KIF16B: variants seen among roughly 807,000 people sequenced by gnomAD.
KIF16B encodes kinesin family member 16B, also known as kinesin-like protein KIF16B.
A neutral mutation model predicts 156.3 loss-of-function variants in KIF16B; 98 were observed. The ratio of observed to expected loss-of-function variants is 0.63; its 90% confidence interval spans 0.53 to 0.74. The LOEUF (loss-of-function observed/expected upper bound fraction) is 0.74. Ranked by LOEUF, KIF16B falls within the 30% of genes least tolerant of loss-of-function variation. KIF16B has a pLI of 0.00. For missense variants in KIF16B, 1,421 were observed against 1,606.5 expected, an observed-to-expected ratio of 0.88 and a Z score of 1.97; for synonymous variants, 564 against 583.7, an observed-to-expected ratio of 0.97 and a Z score of 0.49.
intron 24 of KIF16B, among the ~76,000 whole-genome samples, chr20:16,323,544 G>C (rs1322923918): frequency 2.0e-5 from 3 of 151,988 alleles, no homozygotes; most frequent in African/African-American, 7.2e-5. Context: ...TTCCAAGTTT[G>C]ATTTGTTAAA....
intron 17 of KIF16B, among the ~76,000 whole-genome samples, chr20:16,400,620 C>T (rs1287778769): frequency 6.6e-6 from 1 of 152,158 alleles, no homozygotes; most frequent in Non-Finnish European, 1.5e-5. Context: ...AAGAGTCCAT[C>T]AACAGATGAA....
At chr20:16,347,440 G>A (rs1336354002) in intron 23 of KIF16B, among the ~76,000 whole-genome samples, 1 of 152,162 alleles carries the variant, frequency 6.6e-6, no homozygotes, top group Non-Finnish European at 1.5e-5. Context: ...TTCTGTGCTT[G>A]TAACTCAATC....
intron 7 of KIF16B, 63 bp from the exon 8 acceptor site, chr20:16,506,253 T>G: frequency 7.2e-7 from 1 of 1,390,220 alleles, no homozygotes; most frequent in Non-Finnish European, 1.0e-6. Flanking sequence ...GTTGATGATA[T>G]GAATTCTAAC....
At chr20:16,447,357 G>A (rs1458066313) in intron 12 of KIF16B, among the ~76,000 whole-genome samples, 2 of 151,794 alleles carry the variant, frequency 1.3e-5, no homozygotes, top group East Asian at 3.9e-4. Context: ...TCACAGATCT[G>A]CCACCTGCCT....
chr20:16,526,330 A>T (rs2069545158), intron 2 of KIF16B, 125 bp from the exon 3 acceptor site: 1 of 446,034 alleles, frequency 2.2e-6, no homozygotes, highest in South Asian at 6.8e-5. Flanking sequence ...AAAAATAAAT[A>T]AATAAAATTT....
intron 17 of KIF16B, among the ~76,000 whole-genome samples, chr20:16,387,845 G>A (rs2065265253): frequency 6.6e-6 from 1 of 152,032 alleles, no homozygotes; most frequent in African/African-American, 2.4e-5. Flanking sequence ...CTCAGGCGAA[G>A]CCTTCACTTT....
chr20:16,409,810 C>A (rs1176560771), intron 15 of KIF16B, among the ~76,000 whole-genome samples: 4 of 150,878 alleles, frequency 2.7e-5, no homozygotes, highest in Non-Finnish European at 5.9e-5. Context: ...GGAAAAGGAC[C>A]AAGATGGGGT....
chr20:16,299,260 T>C (rs1043160781), intron 25 of KIF16B, among the ~76,000 whole-genome samples: 1 of 152,086 alleles, frequency 6.6e-6, no homozygotes, highest in Non-Finnish European at 1.5e-5. Context: ...ATAAATAAGA[T>C]TGGCCCCATG....
chr20:16,503,782 C>T (rs866401412), intron 10 of KIF16B, among the ~76,000 whole-genome samples: 2 of 152,236 alleles, frequency 1.3e-5, no homozygotes, highest in Middle Eastern at 3.4e-3. Flanking sequence ...TATCAGGAAG[C>T]TTACTGAGAA....
At chr20:16,445,017 A>T (rs969590103) in intron 12 of KIF16B, among the ~76,000 whole-genome samples, 1 of 152,166 alleles carries the variant, frequency 6.6e-6, no homozygotes, top group African/African-American at 2.4e-5. Context: ...TTTACTATAG[A>T]TTGTGAACGG....
chr20:16,275,253 A>AGTAGAGAG, intron 25 of KIF16B, among the ~76,000 whole-genome samples: 1 of 152,108 alleles, frequency 6.6e-6, no homozygotes. Context: ...ACGGGGTTTC[A>AGTAGAGAG]CCATGTTGGC....
chr20:16,387,627 T>G (rs2065260067), intron 17 of KIF16B, among the ~76,000 whole-genome samples: 1 of 152,132 alleles, frequency 6.6e-6, no homozygotes, highest in Admixed American at 6.5e-5. Flanking sequence ...CATCACGACT[T>G]AGAATGATGA....
intron 24 of KIF16B, 46 bp downstream of exon 24, chr20:16,335,880 T>C (rs542080424): frequency 8.3e-7 from 1 of 1,203,310 alleles, no homozygotes; most frequent in African/African-American, 1.5e-5. Flanking sequence ...TCATTTACTT[T>C]ATAAAATGAA....
chr20:16,572,170 T>C (rs918436632), intron 1 of KIF16B, among the ~76,000 whole-genome samples: 4 of 152,168 alleles, frequency 2.6e-5, no homozygotes, highest in Non-Finnish European at 5.9e-5. Flanking sequence ...CTGAAAACAC[T>C]GGGTTTTAAT....
chr20:16,462,793 C>T (rs1216929709), intron 12 of KIF16B, among the ~76,000 whole-genome samples: 9 of 152,154 alleles, frequency 5.9e-5, no homozygotes, highest in Non-Finnish European at 1.3e-4. Flanking sequence ...AAGCTGGAAG[C>T]TTGCATGGGC....
intron 25 of KIF16B, among the ~76,000 whole-genome samples, chr20:16,275,928 T>C (rs1022333615): frequency 2.0e-5 from 3 of 152,194 alleles, no homozygotes; most frequent in South Asian, 4.1e-4. Flanking sequence ...CAACTGATTG[T>C]TCTGGGAAGA....
At chr20:16,354,511 C>CAA (rs2064399555) in intron 23 of KIF16B, among the ~76,000 whole-genome samples, 1 of 142,980 alleles carries the variant, frequency 7.0e-6, no homozygotes, top group African/African-American at 2.6e-5. Flanking sequence ...CACACACACA[C>CAA]AATTTAGAAT....
chr20:16,470,655 T>C (rs989344998), intron 12 of KIF16B, among the ~76,000 whole-genome samples: 6 of 148,496 alleles, frequency 4.0e-5, no homozygotes, highest in Non-Finnish European at 7.4e-5. Context: ...AGCAAATTCT[T>C]TTTTTCTTTT....
chr20:16,294,071 T>G (rs2063349612), intron 25 of KIF16B, among the ~76,000 whole-genome samples: 1 of 151,512 alleles, frequency 6.6e-6, no homozygotes, highest in South Asian at 2.1e-4. Flanking sequence ...AATGAAAGAG[T>G]TGCTGCTGGG....
Sources: allele counts gnomAD v4.1 joint callset (sites outside exome capture counted in the v4.1 genomes callset), GRCh38; gene constraint gnomAD v4.1.1; transcripts MANE v1.5; gene names NCBI Gene and HGNC (gene_info 2026-07-23, HGNC 2026-07-21).